Variants in FRMD4A observed in about 807,000 individuals in gnomAD.
FRMD4A encodes FERM domain containing 4A, also known as FERM domain-containing protein 4A.
A neutral mutation model predicts 129.1 loss-of-function variants in FRMD4A; 29 were observed. The observed-to-expected ratio is 0.22, with a 90% confidence interval of 0.17 to 0.31. The LOEUF is 0.31. Ranked by LOEUF, FRMD4A falls within the 10% of genes least tolerant of loss-of-function variation. The pLI is 1.00. For missense variants in FRMD4A, 1,272 were observed against 1,375.8 expected (o/e 0.92, Z 1.19); for synonymous variants, 634 against 571.6 (o/e 1.11, Z -1.56).
intron 2 of FRMD4A, among the ~76,000 whole-genome samples, chr10:14,105,460 T>A (rs1010225554): frequency 3.3e-5 from 5 of 152,182 alleles, no homozygotes; most frequent in African/African-American, 1.2e-4. Flanking sequence ...CTTCTCTCTA[T>A]AAAATTATTA....
Position 13,657,223 on chromosome 10 carries a change from G to T in FRMD4A, c.2366C>A (p.Ala789Glu). 1 of 1,558,242 alleles carries T rather than the reference G, an allele frequency of 6.4e-7. No homozygotes were observed. The highest frequency in any genetic ancestry group is 1.4e-5 in the African/African-American group (1 of 73,626). ...ARQRQRQRQR[A>E]AGALGSASSG... is the part of the protein sequence containing the mutation. ...GCTGGCTGAGCCCAGTGCGCCCGCCGCCCGCTGCCGCTGCCTCTGCCTCTG... is the reference window on the plus strand; with the variant it reads ...GCTGGCTGAGCCCAGTGCGCCCGCCTCCCGCTGCCGCTGCCTCTGCCTCTG... The change falls in exon 22 of 25, where the codon GCG (alanine) becomes GAG (glutamate). Residue 789 changes from alanine (A) to glutamate (E), a missense_variant. Ala to Glu is a moderately radical substitution (Grantham distance 107, BLOSUM62 -1). This residue lies in a region of FRMD4A where 972 missense variants were observed against 892.3 expected (regional missense o/e 1.09). Transcript: ENST00000357447.
At chr10:14,139,746 G>T (rs1822703073) in intron 2 of FRMD4A, among the ~76,000 whole-genome samples, 1 of 152,122 alleles carries the variant, frequency 6.6e-6, no homozygotes, top group South Asian at 2.1e-4. Context: ...GACAGAACCT[G>T]GCCAAATATG....
chr10:14,228,957 C>A (rs536555190), intron 2 of FRMD4A, among the ~76,000 whole-genome samples: 1 of 152,132 alleles, frequency 6.6e-6, no homozygotes, highest in Non-Finnish European at 1.5e-5. Context: ...TGTTTAAGCA[C>A]GGTGTGACAG....
intron 2 of FRMD4A, among the ~76,000 whole-genome samples, chr10:14,053,380 G>A (rs1047473190): frequency 2.0e-5 from 3 of 152,166 alleles, no homozygotes; most frequent in Non-Finnish European, 4.4e-5. Flanking sequence ...TACGGGGCAA[G>A]GGTGTGCAGG....
chr10:13,897,390 T>C (rs1257777056), intron 2 of FRMD4A, among the ~76,000 whole-genome samples: 2 of 152,134 alleles, frequency 1.3e-5, no homozygotes, highest in African/African-American at 4.8e-5. Flanking sequence ...GGAGCTTTAC[T>C]TTGGAAAGAG....
intron 2 of FRMD4A, among the ~76,000 whole-genome samples, chr10:13,981,616 G>A (rs1427890613): frequency 1.3e-5 from 2 of 152,000 alleles, no homozygotes; most frequent in East Asian, 3.9e-4. Flanking sequence ...GTGGGTGCCT[G>A]TAATCCCAGC....
chr10:13,657,211 AGTG>A lies in FRMD4A; in HGVS notation c.2375_2377del (p.Ala792_Leu793delinsVal). On this transcript the variant is annotated inframe_deletion, in exon 22 of 25. Coordinates refer to ENST00000357447, the MANE Select transcript of FRMD4A (RefSeq NM_018027.5). The stretch of plus-strand genomic sequence containing the variant: ...CATGCTGCCCGAGCTGGCTGAGCCC[AGTG>A]CGCCCGCCGCCCGCTGCCGCTGCCT... 6.7e-7 allele frequency: 1 copy of A among 1,501,746 alleles called. No homozygotes were observed. The highest frequency in any genetic ancestry group is 1.2e-5 in the South Asian group (1 of 83,650). 93.0% of individuals were successfully genotyped at this position (1,501,746 alleles called of 1,614,324 possible). A position where few individuals can be genotyped will look rare whatever the true frequency, so the allele number is the denominator to read the frequency against.
At chr10:13,799,995 T>C (rs1008605352) in intron 4 of FRMD4A, among the ~76,000 whole-genome samples, 10 of 149,826 alleles carry the variant, frequency 6.7e-5, no homozygotes, top group Admixed American at 2.7e-4. Context: ...CTGACCAACA[T>C]GGTGAAACCC....
intron 2 of FRMD4A, among the ~76,000 whole-genome samples, chr10:14,190,139 T>C (rs1336670942): frequency 1.3e-5 from 2 of 152,194 alleles, no homozygotes; most frequent in Non-Finnish European, 2.9e-5. Context: ...CACTCCCATT[T>C]TACAGACAGA....
chr10:14,297,665 A>G (rs1419232164), intron 2 of FRMD4A, among the ~76,000 whole-genome samples: 1 of 152,126 alleles, frequency 6.6e-6, no homozygotes, highest in Non-Finnish European at 1.5e-5. Context: ...CTCTACGTTA[A>G]CCACTTTTTG....
At chr10:14,103,524 A>T (rs1209913162) in intron 2 of FRMD4A, among the ~76,000 whole-genome samples, 1 of 152,172 alleles carries the variant, frequency 6.6e-6, no homozygotes, top group South Asian at 2.1e-4. Flanking sequence ...CCCTGGATTA[A>T]CTACCTGCAG....
At chr10:14,263,263 T>C (rs557031057) in intron 2 of FRMD4A, among the ~76,000 whole-genome samples, 16 of 152,296 alleles carry the variant, frequency 1.1e-4, no homozygotes, top group African/African-American at 2.9e-4. Context: ...GTGAAGCTCC[T>C]GCTTCGTAGA....
chr10:13,738,919 C>T (rs1310642203), intron 11 of FRMD4A, among the ~76,000 whole-genome samples: 20 of 152,156 alleles, frequency 1.3e-4, no homozygotes, highest in Non-Finnish European at 1.3e-4. Flanking sequence ...CTGCGCCTGC[C>T]CCCACTGTTT....
chr10:14,056,167 G>A (rs1443386974), intron 2 of FRMD4A, among the ~76,000 whole-genome samples: 1 of 152,082 alleles, frequency 6.6e-6, no homozygotes, highest in South Asian at 2.1e-4. Flanking sequence ...GAGTAGCTGG[G>A]ATTACAGGCA....
At chr10:14,261,386 T>C (rs1226021142) in intron 2 of FRMD4A, among the ~76,000 whole-genome samples, 2 of 152,216 alleles carry the variant, frequency 1.3e-5, no homozygotes, top group African/African-American at 4.8e-5. Context: ...CATGTTTTAA[T>C]GTAACTAATC....
intron 2 of FRMD4A, among the ~76,000 whole-genome samples, chr10:14,070,161 T>C (rs1835252367): frequency 6.6e-6 from 1 of 152,174 alleles, no homozygotes; most frequent in Admixed American, 6.5e-5. Flanking sequence ...TCCACCTCTC[T>C]CTGAGTGCTA....
At chr10:13,797,065 G>A (rs745335558) in intron 4 of FRMD4A, among the ~76,000 whole-genome samples, 4 of 152,180 alleles carry the variant, frequency 2.6e-5, no homozygotes, top group Non-Finnish European at 4.4e-5. Flanking sequence ...AACCCAGTGG[G>A]ATTAGGTAGG....
chr10:13,964,280 A>G (rs184893422), intron 2 of FRMD4A, among the ~76,000 whole-genome samples: 15 of 152,252 alleles, frequency 9.9e-5, no homozygotes, highest in Admixed American at 3.9e-4. Flanking sequence ...CCCCCTCCCC[A>G]CTAACAAACG....
chr10:14,154,363 A>C (rs1210358343), intron 2 of FRMD4A, among the ~76,000 whole-genome samples: 2 of 152,156 alleles, frequency 1.3e-5, no homozygotes, highest in East Asian at 3.9e-4. Context: ...AGAAAGCCTT[A>C]TTTAAATGCT....
Sources: gnomAD v4.1 joint callset for allele counts (sites outside exome capture counted in the v4.1 genomes callset) on GRCh38, gnomAD v4.1.1 for gene constraint, gnomAD v4.1.1 regional missense constraint, MANE v1.5 for transcripts, NCBI Gene and HGNC (gene_info 2026-07-23, HGNC 2026-07-21) for gene names.